The following NTRK2 variants were observed in gnomAD, a reference collection of about 807,000 sequenced individuals.
The protein encoded by NTRK2 is BDNF/NT-3 growth factors receptor.
Under a neutral mutation model 94.5 loss-of-function variants are expected in NTRK2, and 13 were observed. The observed-to-expected ratio is 0.14, with a 90% CI of 0.09 to 0.22. The LOEUF is 0.22. NTRK2 is among the 10% of genes least tolerant of loss of function. The pLI, the probability that NTRK2 is intolerant of heterozygous loss-of-function variation, is 1.00. For missense variants in NTRK2, 639 were observed against 1,071.2 expected (o/e 0.60, Z 5.63); for synonymous variants, 372 against 407.4 (o/e 0.91, Z 1.05).
intron 2 of NTRK2, among the ~76,000 whole-genome samples, chr9:84,682,799 C>T (rs918476286): frequency 3.3e-4 from 51 of 152,274 alleles, no homozygotes; most frequent in African/African-American, 1.1e-3. Context: ...ACATCTTGGT[C>T]GTTTTTCACT....
chr9:84,746,449 C>T (rs1427480201), intron 11 of NTRK2, among the ~76,000 whole-genome samples: 1 of 152,152 alleles, frequency 6.6e-6, no homozygotes, highest in Non-Finnish European at 1.5e-5. Context: ...AACCCATCTC[C>T]CTCTCCCAGC....
chr9:84,928,912 C>T (rs1287106091), intron 14 of NTRK2, among the ~76,000 whole-genome samples: 1 of 152,070 alleles, frequency 6.6e-6, no homozygotes, highest in African/African-American at 2.4e-5. Flanking sequence ...TTGCTTTATC[C>T]TTGTCATATA....
intron 15 of NTRK2, among the ~76,000 whole-genome samples, chr9:84,947,203 G>A (rs528268557): frequency 1.6e-3 from 244 of 152,126 alleles, no homozygotes; most frequent in African/African-American, 5.7e-3. Context: ...TGATCTGCCC[G>A]CCTCAGCCTC....
chr9:84,787,974 G>A (rs1267883340), intron 12 of NTRK2, among the ~76,000 whole-genome samples: 1 of 151,960 alleles, frequency 6.6e-6, no homozygotes, highest in Non-Finnish European at 1.5e-5. Flanking sequence ...CCTCTAAAAG[G>A]GCATAATCAC....
At chr9:84,750,453 C>G (rs1025472828) in intron 11 of NTRK2, among the ~76,000 whole-genome samples, 3 of 152,206 alleles carry the variant, frequency 2.0e-5, no homozygotes, top group African/African-American at 7.2e-5. Context: ...TTAATGATTA[C>G]TATGGATAGG....
At position 84,737,746 on chromosome 9, in the gene NTRK2, C is replaced by A. The variant is rs560559721; in HGVS notation, c.1160-4146C>A. On this transcript the variant is annotated intron_variant, in intron 9 of 18. Coordinates refer to ENST00000277120, the MANE Select transcript of NTRK2 (RefSeq NM_006180.6). ...GGGATGTGACTGAACCTGTACCCAG[C>A]TAATAAGCATGGTATCCAATAGGCA... 4.7e-5 allele frequency among the ~76,000 whole-genome samples: 7 copies of A among 148,004 alleles called. No individual in the cohort carries two copies. In the South Asian group the frequency reaches 1.2e-3, roughly 26 times the overall value.
intron 9 of NTRK2, among the ~76,000 whole-genome samples, chr9:84,741,228 C>A (rs917795709): frequency 6.6e-6 from 1 of 152,114 alleles, no homozygotes; most frequent in African/African-American, 2.4e-5. Context: ...GAGCCATCCT[C>A]CAAAATTAAA....
At chr9:84,729,816 G>A (rs2062715761) in intron 9 of NTRK2, among the ~76,000 whole-genome samples, 2 of 152,182 alleles carry the variant, frequency 1.3e-5, no homozygotes, top group South Asian at 2.1e-4. Flanking sequence ...TGATATCAAT[G>A]CACAGTACTG....
At chr9:84,723,503 T>G (rs1403003002) in intron 6 of NTRK2, 70 bp from the exon 7 acceptor site, 143 of 1,555,830 alleles carry the variant, frequency 9.2e-5, no homozygotes, top group Non-Finnish European at 1.4e-5. Context: ...AGTTTTCAAT[T>G]TATTGCTTTT....
intron 12 of NTRK2, among the ~76,000 whole-genome samples, chr9:84,790,801 A>T (rs1384224616): frequency 6.6e-6 from 1 of 152,212 alleles, no homozygotes; most frequent in Non-Finnish European, 1.5e-5. Flanking sequence ...GGGACACAAG[A>T]GAGAAACTCT....
At chr9:84,852,518 G>T (rs1168779779) in intron 12 of NTRK2, among the ~76,000 whole-genome samples, 1 of 152,284 alleles carries the variant, frequency 6.6e-6, no homozygotes, top group East Asian at 1.9e-4. Flanking sequence ...AGCAGAGGTT[G>T]CCCCTGCCTT....
chr9:84,959,366 C>T (rs1235547127), intron 17 of NTRK2, among the ~76,000 whole-genome samples: 2 of 152,164 alleles, frequency 1.3e-5, no homozygotes, highest in African/African-American at 4.8e-5. Context: ...ATGGAGTCAA[C>T]TGAATTGCAT....
At chr9:84,900,164 G>A (rs184700460) in intron 14 of NTRK2, among the ~76,000 whole-genome samples, 21 of 152,280 alleles carry the variant, frequency 1.4e-4, no homozygotes, top group South Asian at 6.2e-4. Context: ...GAAAGGAAGC[G>A]CGCACTTCCC....
intron 12 of NTRK2, chr9:84,812,167 C>G (rs201051244): frequency 5.7e-6 from 6 of 1,058,176 alleles, no homozygotes; most frequent in Non-Finnish European, 5.7e-6. Context: ...CCTCTGTAAA[C>G]CAAGGCATTA....
intron 12 of NTRK2, among the ~76,000 whole-genome samples, chr9:84,832,956 C>T (rs990392575): frequency 1.3e-5 from 2 of 152,132 alleles, no homozygotes; most frequent in African/African-American, 4.8e-5. Flanking sequence ...CCTGCACACT[C>T]TATGGAGCCT....
intron 17 of NTRK2, among the ~76,000 whole-genome samples, chr9:84,976,680 C>A (rs1588095176): frequency 2.0e-5 from 3 of 152,084 alleles, no homozygotes. Context: ...AGGGCAGGTG[C>A]TGGCCAGCTT....
chr9:84,980,778 G>T (rs2133224404), intron 17 of NTRK2, among the ~76,000 whole-genome samples: 1 of 152,340 alleles, frequency 6.6e-6, no homozygotes. Context: ...GGTTGGGCTT[G>T]GGTAGCATGT....
intron 6 of NTRK2, among the ~76,000 whole-genome samples, chr9:84,716,602 G>C (rs2061725943): frequency 6.6e-6 from 1 of 152,148 alleles, no homozygotes; most frequent in South Asian, 2.1e-4. Flanking sequence ...AACTTAGTTG[G>C]ATTGGCTTTC....
chr9:84,767,966 T>C (rs559431641), intron 12 of NTRK2, among the ~76,000 whole-genome samples: 1 of 152,290 alleles, frequency 6.6e-6, no homozygotes, highest in Admixed American at 6.5e-5. Flanking sequence ...AACCAGCATG[T>C]TTGAAAAGAT....
Sources: allele counts gnomAD v4.1 joint callset (sites outside exome capture counted in the v4.1 genomes callset), GRCh38; gene constraint gnomAD v4.1.1; transcripts MANE v1.5; gene names NCBI Gene and HGNC (gene_info 2026-07-23, HGNC 2026-07-21).